Variants in CLSPN observed in about 807,000 individuals in gnomAD.
CLSPN encodes the protein claspin homolog.
In CLSPN, 85 loss-of-function variants were observed where a neutral mutation model predicts 156.3. The ratio of observed to expected loss-of-function variants is 0.54; its 90% CI spans 0.46 to 0.65. The LOEUF (loss-of-function observed/expected upper bound fraction) is 0.65, where lower values mean the gene tolerates loss of function less well. Ranked by LOEUF, CLSPN falls within the 30% of genes least tolerant of loss-of-function variation. The probability of loss-of-function intolerance (pLI) is 0.00; values close to 1 mark genes in which losing one functional copy is unlikely to be tolerated. For synonymous variants in CLSPN, 534 were observed against 542.4 expected, an observed-to-expected ratio of 0.98 and a Z score of 0.22; for missense variants, 1,407 against 1,554.9, an observed-to-expected ratio of 0.90 and a Z score of 1.60.
Position 35,747,794 on chromosome 1 carries a change from T to G in CLSPN, c.2627+113A>C, listed in dbSNP as rs573000741. 4.8e-6 allele frequency: 5 copies of G among 1,040,250 alleles called. No individual in the cohort carries two copies. In the African/African-American group the frequency reaches 8.0e-5, roughly 17 times the overall value. 64.4% of individuals were successfully genotyped at this position (1,040,250 alleles called of 1,614,324 possible). ...TGTAATACTAATGGTCTGTACACCT[T>G]CTCTTTCTCAGAAGAGAAAGCACAG... is the stretch of plus-strand genomic sequence containing the variant. On this transcript the variant is annotated intron_variant, in intron 14 of 24. Coordinates refer to ENST00000318121, the MANE Select transcript of CLSPN (RefSeq NM_022111.4).
At position 35,760,488 on chromosome 1, in the gene CLSPN, T is replaced by C. The variant is rs1187505536; in HGVS notation, c.1433A>G (p.Asn478Ser). The C allele has an allele frequency of 6.2e-7, 1 of 1,614,234 alleles. No individual in the cohort carries two copies. Among genetic ancestry groups the C allele is most frequent in the East Asian group, 2.2e-5 (1 of 44,894 alleles). Residue 478 changes from asparagine (N) to serine (S), a missense_variant, in exon 8 of 25, where the codon AAT becomes AGT. Coordinates refer to ENST00000318121, the MANE Select transcript of CLSPN (RefSeq NM_022111.4). The stretch of plus-strand genomic sequence containing the variant: ...AGGTGGCCCAACTGCTGATGATTTA[T>C]TTTGCTGCTCAGGCTCTTCCACTTT... ...DEKVEEPEQQ[N>S]KSSAVGPPEK... is the part of the protein sequence containing the mutation.
At chr1:35,747,350 G>GAGAA in intron 14 of CLSPN, among the ~76,000 whole-genome samples, 1 of 152,038 alleles carries the variant, frequency 6.6e-6, no homozygotes, top group East Asian at 1.9e-4. Context: ...AAATTCCTCA[G>GAGAA]AGAAATGGCA....
At chr1:35,764,149 C>T (rs539504674) in intron 3 of CLSPN, 117 bp downstream of exon 3, 10 of 678,982 alleles carry the variant, frequency 1.5e-5, no homozygotes, top group African/African-American at 1.1e-4. Flanking sequence ...ATTCTCAACA[C>T]AAAATAGTCA....
At chr1:35,722,584 C>T (rs1324227257) in intron 24 of CLSPN, among the ~76,000 whole-genome samples, 1 of 151,750 alleles carries the variant, frequency 6.6e-6, no homozygotes, top group African/African-American at 2.4e-5. Context: ...ACAATACCTG[C>T]TAAGTCAAGT....
In CLSPN at chr1:35,735,705, CAAA is replaced by C; in HGVS notation, c.*788_*790del. 7.9e-6 allele frequency: 6 copies of C among 758,348 alleles called. No individual in the cohort carries two copies. The highest frequency in any genetic ancestry group is 1.4e-4 in the East Asian group (1 of 7,192). 47.0% of individuals were successfully genotyped at this position (758,348 alleles called of 1,614,324 possible). On this transcript the variant is annotated 3_prime_UTR_variant, in exon 25 of 25. Transcript: ENST00000318121. ...ACTGGGCAACAAAGTGAGACTATCT[CAAA>C]AAAAAAAAAAGAAATCTTTCTTTCA...
rs1274513714 is a variant in CLSPN, at chr1:35,764,377, A to C, written c.471T>G (p.Asp157Glu). The change falls in exon 3 of 25, where the codon GAT becomes GAG. Residue 157 changes from aspartate to glutamate, a missense_variant. Coordinates refer to ENST00000318121, the MANE Select transcript of CLSPN (RefSeq NM_022111.4). ...TTGCTTTTCCTGCAGTTCCTTCTTTATCATGTATGTGCTTTTTGGAACTCT... is the reference window on the plus strand; with the variant it reads ...TTGCTTTTCCTGCAGTTCCTTCTTTCTCATGTATGTGCTTTTTGGAACTCT... ...DRKSSKKHIHDKEGTAGKAKV... is the reference protein window; with the variant it reads ...DRKSSKKHIHEKEGTAGKAKV... 1 of 1,612,142 alleles carries C rather than the reference A, an allele frequency of 6.2e-7. No homozygotes were observed. The highest frequency in any genetic ancestry group is 1.7e-5 in the Admixed American group (1 of 59,816).
chr1:35,765,066 C>G (rs1028511677), intron 2 of CLSPN, 152 bp downstream of exon 2: 3 of 600,640 alleles, frequency 5.0e-6, no homozygotes, highest in Non-Finnish European at 8.7e-6. Context: ...CAAAAAGGTA[C>G]AAGCACTGTT....
intron 14 of CLSPN, 50 bp from the exon 15 acceptor site, chr1:35,747,042 G>A (rs1364784081): frequency 7.0e-7 from 1 of 1,432,444 alleles, no homozygotes; most frequent in African/African-American, 1.4e-5. Context: ...CTCAGAGAGG[G>A]CCGGGTGCGG....
Position 35,736,577 on chromosome 1 carries a change from A to T in CLSPN, c.3939T>A (p.Thr1313=). The part of the protein sequence containing the change: ...QVKKRGPSFM[T]SPSPKHLKTD... ...TTTTGAGGTGCTTAGGTGAAGGAGA[A>T]GTCATGAAAGATGGACCCCTTTTCT... is the stretch of plus-strand genomic sequence containing the variant. The change falls in exon 25 of 25, where the codon ACT becomes ACA. Residue 1313 remains threonine, a synonymous_variant. Transcript: ENST00000318121. The T allele has an allele frequency of 6.2e-7, 1 of 1,612,566 alleles. No individual in the cohort carries two copies. Among genetic ancestry groups the T allele is most frequent in the Non-Finnish European group, 8.5e-7 (1 of 1,179,460 alleles).
At chr1:35,738,121 T>TATA in intron 21 of CLSPN, 24 bp from the exon 22 acceptor site, 1 of 433,688 alleles carries the variant, frequency 2.3e-6, no homozygotes, top group Non-Finnish European at 3.1e-6. Flanking sequence ...AAAATATATA[T>TATA]ATATATATAT....
intron 16 of CLSPN, among the ~76,000 whole-genome samples, 192 bp downstream of exon 16, chr1:35,745,259 A>T (rs1641837351): frequency 6.6e-6 from 1 of 152,188 alleles, no homozygotes; most frequent in Non-Finnish European, 1.5e-5. Context: ...TAATGATATT[A>T]AATAGCTTTC....
In CLSPN at chr1:35,743,518, GTCT is replaced by G; in HGVS notation, c.2976_2978del (p.Glu992del). On this transcript the variant is annotated inframe_deletion, in exon 17 of 25. Coordinates refer to ENST00000318121, the MANE Select transcript of CLSPN (RefSeq NM_022111.4). ...GAAAGTCTCCAAATTCCTCCTCCTC[GTCT>G]TCCTCTTCCCTAAAATGTAAATCAA... is the stretch of plus-strand genomic sequence containing the variant. 6.2e-7 allele frequency: 1 copy of G among 1,612,426 alleles called. No individual in the cohort carries two copies.
At chr1:35,720,698 G>A (rs745397222) in exon 25 of CLSPN, 12 of 364,474 alleles carry the variant, frequency 3.3e-5, no homozygotes, top group Non-Finnish European at 5.5e-5. Context: ...CACCCACCTC[G>A]GCCTCCCAAA....
Position 35,737,461 on chromosome 1 carries a change from T to C in CLSPN, c.3665-40A>G, listed in dbSNP as rs1219949574. ...CAGAGAGGCCTATTCTGGGAAAAGC[T>C]GATTAGAATTACTTTTAAATCTAAA... is the stretch of plus-strand genomic sequence containing the variant. On this transcript the variant is annotated intron_variant, in intron 22 of 24. Coordinates refer to ENST00000318121, the MANE Select transcript of CLSPN (RefSeq NM_022111.4). 31 of 1,476,164 alleles carry C rather than the reference T, an allele frequency of 2.1e-5. 1 individual carries two copies. Among genetic ancestry groups the C allele is most frequent in the Non-Finnish European group, 2.9e-5 (31 of 1,057,202 alleles). The allele number at this position is 1,476,164 out of a possible 1,614,324, so 91.4% of individuals were successfully genotyped here. A position where few individuals can be genotyped will look rare whatever the true frequency, so the allele number is the denominator to read the frequency against.
chr1:35,765,922 T>A, intron 1 of CLSPN, among the ~76,000 whole-genome samples: 1 of 151,264 alleles, frequency 6.6e-6, no homozygotes, highest in East Asian at 1.9e-4. Flanking sequence ...TGTTGAATAA[T>A]ACCACAGATA....
At chr1:35,745,154 A>C (rs1641833473) in intron 16 of CLSPN, among the ~76,000 whole-genome samples, 1 of 152,146 alleles carries the variant, frequency 6.6e-6, no homozygotes, top group South Asian at 2.1e-4. Flanking sequence ...CAAGGTTTCC[A>C]ATTTCTCCAC....
In CLSPN at chr1:35,737,871, A is replaced by C. The variant is rs1641530391; in HGVS notation, c.3664+121T>G. ...CCACCACCTCTGTGAAGCCTCTTTA[A>C]GACAGTATTAGACACAAGCTTATGA... On this transcript the variant is annotated intron_variant, in intron 22 of 24. Transcript: ENST00000318121. 3 of 514,648 alleles carry C rather than the reference A, an allele frequency of 5.8e-6. No individual in the cohort carries two copies. In the Admixed American group the frequency reaches 9.8e-5, roughly 17 times the overall value. 31.9% of individuals were successfully genotyped at this position (514,648 alleles called of 1,614,324 possible).
rs1641359525 is a variant in CLSPN at position 35,733,213 on chromosome 1, C to A, written c.*3283G>T. On this transcript the variant is annotated 3_prime_UTR_variant, in exon 25 of 25. Coordinates refer to ENST00000318121, the MANE Select transcript of CLSPN (RefSeq NM_022111.4). ...CAACTCCTGACCTTAGGTGATCCAG[C>A]TGCCTCAGCCTCCCAAAGTGCTGAG... Among the ~76,000 whole-genome samples, 1 of 152,080 alleles carries A rather than the reference C, an allele frequency of 6.6e-6. No homozygotes were observed. Among genetic ancestry groups the A allele is most frequent in the Non-Finnish European group, 1.5e-5 (1 of 68,024 alleles).
chr1:35,745,643 G>A, intron 15 of CLSPN, 81 bp from the exon 16 acceptor site: 1 of 953,336 alleles, frequency 1.0e-6, no homozygotes, highest in Non-Finnish European at 1.7e-6. Flanking sequence ...AGTCATGCCA[G>A]CTCGATACAG....
Sources: gnomAD v4.1 joint callset for allele counts (sites outside exome capture counted in the v4.1 genomes callset) on GRCh38, gnomAD v4.1.1 for gene constraint, MANE v1.5 for transcripts, NCBI Gene and HGNC (gene_info 2026-07-23, HGNC 2026-07-21) for gene names.